Variants in RAPGEF2 observed in about 807,000 individuals in gnomAD.
RAPGEF2 encodes the protein Rap guanine nucleotide exchange factor 2, also known as PDZ domain containing guanine nucleotide exchange factor (GEF) 1.
Under a neutral mutation model 186.7 loss-of-function variants are expected in RAPGEF2, and 54 were observed. The ratio of observed to expected loss-of-function variants is 0.29; its 90% confidence interval spans 0.23 to 0.36. The LOEUF (loss-of-function observed/expected upper bound fraction) is 0.36, where lower values mean the gene tolerates loss of function less well. Among genes scored for constraint, RAPGEF2 ranks in the 10% least tolerant of loss-of-function variants. The pLI is 1.00. For missense variants in RAPGEF2, 1,532 were observed against 2,045.0 expected (o/e 0.75, Z 4.84); for synonymous variants, 712 against 705.9 (o/e 1.01, Z -0.14).
intron 19 of RAPGEF2, 100 bp downstream of exon 19, chr4:159,339,454 A>G: frequency 7.3e-7 from 1 of 1,376,176 alleles, no homozygotes; most frequent in Non-Finnish European, 9.8e-7. Context: ...TAAATGAGTA[A>G]GTGTCCCTGC....
chr4:159,188,638 T>C (rs1470433230), intron 2 of RAPGEF2, among the ~76,000 whole-genome samples: 5 of 134,914 alleles, frequency 3.7e-5, no homozygotes, highest in Non-Finnish European at 7.6e-5. Flanking sequence ...CACTCCAGCC[T>C]GGGCAACAGA....
rs148364486 is a variant in RAPGEF2, at chr4:159,350,731, G to C, written c.3865+442G>C. Among the ~76,000 whole-genome samples, 487 of 152,138 alleles carry C rather than the reference G, an allele frequency of 3.2e-3. 2 individuals are homozygous for C. Among genetic ancestry groups the C allele is most frequent in the African/African-American group, 0.011 (443 of 41,482 alleles). On this transcript the variant is annotated intron_variant, in intron 26 of 29. Coordinates refer to ENST00000691494, the MANE Select transcript of RAPGEF2 (RefSeq NM_001394067.2). ...GTTGCTACCTTGTTTTATTTTTAGA[G>C]ACTATATTTTAGGTACTCAGTCGCC...
At chr4:159,124,420 TC>T (rs1740058627) in intron 1 of RAPGEF2, among the ~76,000 whole-genome samples, 1 of 151,970 alleles carries the variant, frequency 6.6e-6, no homozygotes, top group Admixed American at 6.6e-5. Context: ...GCGCCTGTAG[TC>T]CCAGCTACTC....
intron 8 of RAPGEF2, among the ~76,000 whole-genome samples, chr4:159,305,399 T>C (rs755356639): frequency 2.2e-4 from 34 of 152,198 alleles, no homozygotes; most frequent in Non-Finnish European, 3.7e-4. Context: ...TAGTATCTCA[T>C]TGTGGTTTTA....
At chr4:159,221,634 AC>A (rs1751549572) in intron 4 of RAPGEF2, among the ~76,000 whole-genome samples, 1 of 152,216 alleles carries the variant, frequency 6.6e-6, no homozygotes, top group Non-Finnish European at 1.5e-5. Context: ...TCTCTGTTAC[AC>A]CTGCTGTTCA....
chr4:159,141,045 C>T (rs1579290651), intron 1 of RAPGEF2, among the ~76,000 whole-genome samples: 1 of 151,974 alleles, frequency 6.6e-6, no homozygotes, highest in Non-Finnish European at 1.5e-5. Flanking sequence ...GTGATCCACC[C>T]ACCTCAGCCT....
chr4:159,354,581 G>A (rs1336386913), intron 28 of RAPGEF2, among the ~76,000 whole-genome samples: 3 of 152,200 alleles, frequency 2.0e-5, no homozygotes, highest in Non-Finnish European at 4.4e-5. Flanking sequence ...CTAAGAGCAC[G>A]GGTTTAGGAG....
intron 1 of RAPGEF2, among the ~76,000 whole-genome samples, chr4:159,164,577 A>G (rs919246412): frequency 2.6e-5 from 4 of 152,196 alleles, no homozygotes; most frequent in African/African-American, 9.6e-5. Context: ...CATGGAAATT[A>G]GAGATAATAT....
chr4:159,318,442 A>T (rs1764860207), intron 9 of RAPGEF2, among the ~76,000 whole-genome samples: 1 of 152,334 alleles, frequency 6.6e-6, no homozygotes, highest in Non-Finnish European at 1.5e-5. Context: ...GGGACAGATT[A>T]TGTCCACGTG....
At chr4:159,285,224 G>A (rs570552179) in intron 7 of RAPGEF2, among the ~76,000 whole-genome samples, 4 of 152,250 alleles carry the variant, frequency 2.6e-5, no homozygotes, top group Middle Eastern at 3.4e-3. Context: ...ATAAGCACCA[G>A]AGAATCACAG....
chr4:159,267,315 C>A (rs1259833058), intron 7 of RAPGEF2: 1 of 1,289,264 alleles, frequency 7.8e-7, no homozygotes, highest in South Asian at 1.2e-5. Flanking sequence ...CCAAAGTAAG[C>A]ACAATAATGT....
intron 1 of RAPGEF2, among the ~76,000 whole-genome samples, chr4:159,133,851 G>A (rs899592246): frequency 2.6e-5 from 4 of 152,074 alleles, no homozygotes; most frequent in African/African-American, 9.7e-5. Flanking sequence ...CCAAAGTCCT[G>A]GGATTACAGG....
At chr4:159,322,680 A>G (rs1207988970) in intron 10 of RAPGEF2, among the ~76,000 whole-genome samples, 197 bp downstream of exon 10, 2 of 152,266 alleles carry the variant, frequency 1.3e-5, no homozygotes, top group East Asian at 3.9e-4. Context: ...AATACCTGAG[A>G]CTGGGAAGAA....
At chr4:159,211,210 A>C (rs1750494180) in intron 4 of RAPGEF2, among the ~76,000 whole-genome samples, 3 of 152,072 alleles carry the variant, frequency 2.0e-5, no homozygotes. Flanking sequence ...CTCAGGATAC[A>C]ATCTGACTGG....
chr4:159,267,769 A>T (rs1009740320), intron 7 of RAPGEF2: 3 of 1,011,602 alleles, frequency 3.0e-6, no homozygotes, highest in Non-Finnish European at 3.5e-6. Flanking sequence ...GTCTGTGTGC[A>T]GTCAGCCATT....
At chr4:159,202,146 C>A (rs930915143) in intron 3 of RAPGEF2, among the ~76,000 whole-genome samples, 2 of 152,174 alleles carry the variant, frequency 1.3e-5, no homozygotes, top group South Asian at 4.1e-4. Context: ...TATTCTTTCT[C>A]ACAAAGCAAT....
intron 1 of RAPGEF2, among the ~76,000 whole-genome samples, chr4:159,146,456 T>A (rs1415300315): frequency 6.6e-6 from 1 of 152,072 alleles, no homozygotes; most frequent in East Asian, 1.9e-4. Flanking sequence ...AAGAACTCAG[T>A]TAACTAGAGA....
intron 1 of RAPGEF2, among the ~76,000 whole-genome samples, chr4:159,146,606 T>C (rs1350681816): frequency 6.6e-6 from 1 of 152,206 alleles, no homozygotes; most frequent in South Asian, 2.1e-4. Flanking sequence ...AACTGTAATA[T>C]GATGCTGTCT....
At chr4:159,333,292 T>A (rs1482193128) in intron 17 of RAPGEF2, among the ~76,000 whole-genome samples, 1 of 152,182 alleles carries the variant, frequency 6.6e-6, no homozygotes, top group Non-Finnish European at 1.5e-5. Context: ...GTTTGGACTT[T>A]TTAAAAGCGT....
Sources: allele counts gnomAD v4.1 joint callset (sites outside exome capture counted in the v4.1 genomes callset), GRCh38; gene constraint gnomAD v4.1.1; transcripts MANE v1.5; gene names NCBI Gene and HGNC (gene_info 2026-07-23, HGNC 2026-07-21).